Variants in WDR37 observed in about 807,000 individuals in gnomAD.
WDR37 encodes WD repeat-containing protein 37.
WDR37 carries 19 observed loss-of-function variants against 62.9 expected under a neutral mutation model. The ratio of observed to expected loss-of-function variants is 0.30; its 90% confidence interval spans 0.21 to 0.44. The LOEUF is 0.44. Ranked by LOEUF, WDR37 falls within the 20% of genes least tolerant of loss-of-function variation. The probability of loss-of-function intolerance (pLI) is 1.00; values close to 1 mark genes in which losing one functional copy is unlikely to be tolerated. For missense variants in WDR37, 474 were observed against 657.6 expected, an observed-to-expected ratio of 0.72 and a Z score of 3.05; for synonymous variants, 250 against 260.9, an observed-to-expected ratio of 0.96 and a Z score of 0.40.
At chr10:1,062,885 A>G (rs1429511509) in intron 1 of WDR37, among the ~76,000 whole-genome samples, 1 of 152,174 alleles carries the variant, frequency 6.6e-6, no homozygotes, top group African/African-American at 2.4e-5. Flanking sequence ...CACAAGTTAG[A>G]GACCACTCTG....
At position 1,127,902 on chromosome 10, in the gene WDR37, G is replaced by A. The variant is rs997066714; in HGVS notation, c.1354-1311G>A. 1.1e-4 allele frequency among the ~76,000 whole-genome samples: 17 copies of A among 152,354 alleles called. No homozygotes were observed. In the East Asian group the frequency reaches 1.7e-3, roughly 16 times the overall value. ...ATGGAAATCCCATGGGAGCTCTGCC[G>A]GAGGTGAAAGCCTGGCTGGCTTTCT... On this transcript the variant is annotated intron_variant, in intron 13 of 13. Coordinates refer to ENST00000263150, the MANE Select transcript of WDR37 (RefSeq NM_014023.4).
intron 8 of WDR37, among the ~76,000 whole-genome samples, chr10:1,094,650 C>T (rs376845789): frequency 2.6e-5 from 4 of 152,156 alleles, no homozygotes; most frequent in African/African-American, 9.7e-5. Flanking sequence ...GGCAATTAGA[C>T]GTGTCCAGAT....
chr10:1,114,380 C>T (rs999464726), intron 11 of WDR37, among the ~76,000 whole-genome samples: 3 of 152,238 alleles, frequency 2.0e-5, no homozygotes, highest in Non-Finnish European at 4.4e-5. Context: ...CCTTCAGCAG[C>T]CACCACCCTT....
intron 11 of WDR37, among the ~76,000 whole-genome samples, chr10:1,107,637 CAT>C (rs1271366490): frequency 6.6e-6 from 1 of 151,850 alleles, no homozygotes; most frequent in Non-Finnish European, 1.5e-5. Context: ...TCTCTTTACA[CAT>C]GTGTACACAC....
chr10:1,057,023 C>G (rs1005650235), intron 1 of WDR37, 55 bp downstream of exon 1: 2 of 152,324 alleles, frequency 1.3e-5, no homozygotes, highest in Non-Finnish European at 2.9e-5. Flanking sequence ...CCGGATGCCC[C>G]GAAGAGGAGT....
chr10:1,076,530 T>A (rs1347975836), intron 2 of WDR37, among the ~76,000 whole-genome samples: 3 of 151,430 alleles, frequency 2.0e-5, no homozygotes, highest in Non-Finnish European at 4.4e-5. Flanking sequence ...ATACAAAAAA[T>A]TAGCTGAGTG....
At chr10:1,079,733 G>C (rs1349990176) in intron 3 of WDR37, among the ~76,000 whole-genome samples, 1 of 151,916 alleles carries the variant, frequency 6.6e-6, no homozygotes, top group Non-Finnish European at 1.5e-5. Flanking sequence ...CACCCTGTTG[G>C]TCAGGCTGGT....
rs751653198 is a variant in WDR37, at chr10:1,130,950, A to G, written c.*1606A>G. The G allele has an allele frequency of 2.6e-5, 4 of 152,240 alleles. No homozygotes were observed. Among genetic ancestry groups the G allele is most frequent in the African/African-American group, 9.7e-5 (4 of 41,448 alleles). The allele number at this position is 152,240 out of a possible 1,614,324, so 9.4% of individuals were successfully genotyped here. A position where few individuals can be genotyped will look rare whatever the true frequency, so the allele number is the denominator to read the frequency against. On this transcript the variant is annotated 3_prime_UTR_variant, in exon 14 of 14. Coordinates refer to ENST00000263150, the MANE Select transcript of WDR37 (RefSeq NM_014023.4). ...CCCAAGAAAAACCCATAACCACCTC[A>G]GATGGATCTGACGTGGCTAAGGGAC...
intron 1 of WDR37, among the ~76,000 whole-genome samples, chr10:1,063,377 C>T (rs1328326311): frequency 2.0e-5 from 3 of 152,158 alleles, no homozygotes; most frequent in Admixed American, 6.5e-5. Flanking sequence ...GGAAACCCTG[C>T]AGCACCACCC....
chr10:1,072,277 A>G lies in WDR37; in HGVS notation c.122A>G (p.Asp41Gly). 5 of 1,614,088 alleles carry G rather than the reference A, an allele frequency of 3.1e-6. No individual in the cohort carries two copies. The South Asian group carries it at 5.5e-5, about 18-fold the overall frequency. ...CAGGAGAGGACGGGACTGCCAAGAG[A>G]CATGTTAGAAGGACAAGTAAGCTAC... ...SEQERTGLPRDMLEGQDSKLP... is the reference protein window; with the variant it reads ...SEQERTGLPRGMLEGQDSKLP... Residue 41 changes from aspartate to glycine, a missense_variant, in exon 2 of 14, where the codon GAC becomes GGC. Transcript: ENST00000263150.
intron 11 of WDR37, among the ~76,000 whole-genome samples, chr10:1,110,823 C>T (rs1835192356): frequency 6.6e-6 from 1 of 152,238 alleles, no homozygotes; most frequent in African/African-American, 2.4e-5. Context: ...GGGTGTCCAG[C>T]GTGTTAGCGC....
chr10:1,063,103 C>T (rs1833423582), intron 1 of WDR37, among the ~76,000 whole-genome samples: 1 of 151,176 alleles, frequency 6.6e-6, no homozygotes, highest in Non-Finnish European at 1.5e-5. Context: ...AAAAAAGAGA[C>T]TGAAAGATGG....
intron 10 of WDR37, among the ~76,000 whole-genome samples, chr10:1,104,441 A>T (rs529222131): frequency 1.3e-5 from 2 of 152,304 alleles, no homozygotes; most frequent in South Asian, 4.1e-4. Context: ...CTGCAGCTGG[A>T]GCTCCCCTGC....
chr10:1,107,012 C>T (rs1289247003), intron 11 of WDR37, among the ~76,000 whole-genome samples: 1 of 152,168 alleles, frequency 6.6e-6, no homozygotes, highest in African/African-American at 2.4e-5. Context: ...GCTCCGTCAG[C>T]GATAGCCATA....
chr10:1,074,247 C>T (rs1490925394), intron 2 of WDR37: 6 of 1,031,452 alleles, frequency 5.8e-6, no homozygotes, highest in Non-Finnish European at 6.2e-6. Flanking sequence ...GCAGCCTCCC[C>T]TGCTGGCATG....
chr10:1,120,885 A>G (rs1461099072), intron 11 of WDR37, among the ~76,000 whole-genome samples: 1 of 152,166 alleles, frequency 6.6e-6, no homozygotes, highest in Non-Finnish European at 1.5e-5. Flanking sequence ...TGTTCATCCT[A>G]ATGAGGATGC....
intron 11 of WDR37, among the ~76,000 whole-genome samples, chr10:1,108,748 C>A (rs907183522): frequency 7.1e-6 from 1 of 140,980 alleles, no homozygotes; most frequent in Non-Finnish European, 1.6e-5. Flanking sequence ...TGCCCCCCCC[C>A]CCCGTGGAAC....
intron 7 of WDR37, among the ~76,000 whole-genome samples, chr10:1,088,805 C>T (rs1008909229): frequency 1.3e-5 from 2 of 152,022 alleles, no homozygotes; most frequent in African/African-American, 4.8e-5. Flanking sequence ...AGGTGTTCAA[C>T]GCAGGGTTGC....
rs767341291 is a variant in WDR37, at chr10:1,084,552, G to A, written c.532+14G>A. ...CTGCATCAGCCGGTGAGTCGCACAC[G>A]GACCTGGCCAGCCTGCGGAAGCATG... is the stretch of plus-strand genomic sequence containing the variant. On this transcript the variant is annotated intron_variant, in intron 6 of 13. Transcript: ENST00000263150. The A allele has an allele frequency of 6.8e-6, 11 of 1,607,506 alleles. No homozygotes were observed. The highest frequency in any genetic ancestry group is 1.3e-5 in the African/African-American group (1 of 74,644).
Sources: gnomAD v4.1 joint callset for allele counts (sites outside exome capture counted in the v4.1 genomes callset) on GRCh38, gnomAD v4.1.1 for gene constraint, MANE v1.5 for transcripts, NCBI Gene and HGNC (gene_info 2026-07-23, HGNC 2026-07-21) for gene names.